The following SLC2A9 variants were observed in gnomAD, a reference collection of about 807,000 sequenced individuals.
SLC2A9 encodes solute carrier family 2, facilitated glucose transporter member 9.
Under a neutral mutation model 50.6 loss-of-function variants are expected in SLC2A9, and 39 were observed. That is an observed-to-expected ratio of 0.77 (90% CI 0.60 to 1.01). SLC2A9 has a LOEUF of 1.01. Ranked by LOEUF, SLC2A9 falls within the 50% of genes least tolerant of loss-of-function variation. SLC2A9 has a pLI of 0.00. For missense variants in SLC2A9, 686 were observed against 677.6 expected, an observed-to-expected ratio of 1.01 and a Z score of -0.14; for synonymous variants, 324 against 276.9, an observed-to-expected ratio of 1.17 and a Z score of -1.69.
At chr4:9,877,937 G>C (rs1176491155) in intron 10 of SLC2A9, among the ~76,000 whole-genome samples, 2 of 152,158 alleles carry the variant, frequency 1.3e-5, no homozygotes, top group African/African-American at 2.4e-5. Flanking sequence ...GTTTGCAGGA[G>C]GGTTTCCTCC....
At chr4:10,031,919 T>G (rs1285495118) in intron 1 of SLC2A9, among the ~76,000 whole-genome samples, 4 of 152,232 alleles carry the variant, frequency 2.6e-5, no homozygotes, top group Admixed American at 6.5e-5. Flanking sequence ...AGAACCTTCC[T>G]GCATATTGTT....
At chr4:9,867,222 C>T (rs1356687669) in intron 10 of SLC2A9, among the ~76,000 whole-genome samples, 2 of 152,192 alleles carry the variant, frequency 1.3e-5, no homozygotes, top group East Asian at 3.8e-4. Context: ...AATGCCAATT[C>T]CCTCAGCTTC....
chr4:9,899,357 G>A (rs1469033377), intron 8 of SLC2A9, among the ~76,000 whole-genome samples: 3 of 152,210 alleles, frequency 2.0e-5, no homozygotes, highest in African/African-American at 7.2e-5. Context: ...GAGAACAGAA[G>A]GCCAAGGTAC....
At chr4:9,843,810 C>T (rs577393168) in intron 10 of SLC2A9, among the ~76,000 whole-genome samples, 82 of 152,230 alleles carry the variant, frequency 5.4e-4, no homozygotes, top group Admixed American at 2.2e-3. Context: ...GAATATTCAT[C>T]CTGTGATCTG....
intron 3 of SLC2A9, among the ~76,000 whole-genome samples, chr4:9,989,364 T>C (rs1297536104): frequency 6.6e-6 from 1 of 152,216 alleles, no homozygotes; most frequent in African/African-American, 2.4e-5. Flanking sequence ...TACAGATTCC[T>C]GGTCCATCCA....
chr4:9,962,200 A>C (rs1366129983), intron 5 of SLC2A9, among the ~76,000 whole-genome samples: 1 of 152,218 alleles, frequency 6.6e-6, no homozygotes, highest in Non-Finnish European at 1.5e-5. Flanking sequence ...CATTTGACCC[A>C]GCAATCCCAT....
At chr4:9,815,861 T>A (rs1723510820) in intron 3 of SLC2A9, among the ~76,000 whole-genome samples, 1 of 152,098 alleles carries the variant, frequency 6.6e-6, no homozygotes. Flanking sequence ...TAAAATCCAA[T>A]AATATTTACT....
chr4:9,805,858 C>T (rs1347329831), intron 3 of SLC2A9, among the ~76,000 whole-genome samples: 1 of 152,150 alleles, frequency 6.6e-6, no homozygotes, highest in Non-Finnish European at 1.5e-5. Context: ...TTCCATGTAG[C>T]AACTAATGTT....
At chr4:10,033,807 G>A (rs546269018) in intron 1 of SLC2A9, among the ~76,000 whole-genome samples, 21 of 152,330 alleles carry the variant, frequency 1.4e-4, no homozygotes, top group Non-Finnish European at 1.2e-4. Flanking sequence ...TTGTCATCCC[G>A]GTGGTGGTGT....
chr4:9,859,891 C>T (rs1383199111), intron 10 of SLC2A9, among the ~76,000 whole-genome samples: 2 of 152,176 alleles, frequency 1.3e-5, no homozygotes, highest in Admixed American at 6.5e-5. Context: ...GACAAGCGGC[C>T]TCTGCAAGGC....
Position 10,019,039 on chromosome 4 carries a change from G to A in SLC2A9, c.185C>T (p.Ala62Val). 2 of 1,551,026 alleles carry A rather than the reference G, an allele frequency of 1.3e-6. No homozygotes were observed. The highest frequency in any genetic ancestry group is 1.7e-6 in the Non-Finnish European group (2 of 1,146,960). The change falls in exon 2 of 12, where the codon GCG becomes GTG. Residue 62 changes from alanine (A) to valine (V), a missense_variant. Ala to Val is a moderately conservative substitution (Grantham distance 64, BLOSUM62 0). Coordinates refer to ENST00000264784, the MANE Select transcript of SLC2A9 (RefSeq NM_020041.3). ...WSCSLLVASLAGAFGSSFLYG... is the reference protein window; with the variant it reads ...WSCSLLVASLVGAFGSSFLYG... ...GAGGAAGGAGGAGCCGAAGGCGCCC[G>A]CGAGGGAGGCCACGAGGAGCGAGCA...
chr4:9,829,690 A>G (rs1725741804), intron 11 of SLC2A9, among the ~76,000 whole-genome samples: 1 of 152,200 alleles, frequency 6.6e-6, no homozygotes, highest in East Asian at 1.9e-4. Context: ...ACCTCATTAA[A>G]AAGTGGGCAA....
At chr4:9,899,615 A>C (rs377695521) in intron 8 of SLC2A9, among the ~76,000 whole-genome samples, 1 of 152,224 alleles carries the variant, frequency 6.6e-6, no homozygotes, top group African/African-American at 2.4e-5. Context: ...TCAATGAAAC[A>C]AACTTTTTTG....
chr4:9,775,018 C>T (rs528478306), downstream of SLC2A9, among the ~76,000 whole-genome samples: 5 of 152,294 alleles, frequency 3.3e-5, no homozygotes, highest in East Asian at 5.8e-4. Flanking sequence ...CATGCTTGCA[C>T]ACCTCGGTGG....
At chr4:9,918,027 AC>A (rs1743204028) in intron 7 of SLC2A9, among the ~76,000 whole-genome samples, 1 of 151,700 alleles carries the variant, frequency 6.6e-6, no homozygotes, top group African/African-American at 2.4e-5. Flanking sequence ...CACCCCTGGG[AC>A]CTTGGGCAAT....
chr4:9,937,285 C>T lies in SLC2A9; in HGVS notation c.814+4628G>A, dbSNP rs762662237. 2.3e-4 allele frequency among the ~76,000 whole-genome samples: 35 copies of T among 152,206 alleles called. 2 individuals carry two copies. The highest frequency in any genetic ancestry group is 5.1e-4 in the African/African-American group (21 of 41,548). ...CTGGAGGCTTTGGTAGGGTGGTTTC[C>T]GAGCTGTGTTTTCCCGCCCCTTTTT... On this transcript the variant is annotated intron_variant, in intron 6 of 11. Transcript: ENST00000264784.
chr4:9,833,690 T>C (rs1401631126), intron 11 of SLC2A9, among the ~76,000 whole-genome samples: 1 of 152,268 alleles, frequency 6.6e-6, no homozygotes, highest in East Asian at 1.9e-4. Context: ...ATCTCTGGGA[T>C]GTGTTGGGCT....
chr4:9,851,111 G>T (rs1729829430), intron 10 of SLC2A9, among the ~76,000 whole-genome samples: 1 of 152,218 alleles, frequency 6.6e-6, no homozygotes, highest in Non-Finnish European at 1.5e-5. Flanking sequence ...TGTTGCAGCT[G>T]CTGGCACACT....
chr4:9,829,544 C>T (rs768891915), intron 11 of SLC2A9, among the ~76,000 whole-genome samples: 4 of 151,222 alleles, frequency 2.6e-5, no homozygotes, highest in Non-Finnish European at 4.4e-5. Flanking sequence ...AAGAGCTTCT[C>T]CACTGCAAAA....
Sources: gnomAD v4.1 joint callset for allele counts (sites outside exome capture counted in the v4.1 genomes callset) on GRCh38, gnomAD v4.1.1 for gene constraint, MANE v1.5 for transcripts, NCBI Gene and HGNC (gene_info 2026-07-23, HGNC 2026-07-21) for gene names.